Variants in CELSR1 observed in about 807,000 individuals in gnomAD.
CELSR1 encodes the protein cadherin EGF LAG seven-pass G-type receptor 1.
A neutral mutation model predicts 249.1 loss-of-function variants in CELSR1; 110 were observed. The ratio of observed to expected loss-of-function variants is 0.44; its 90% CI spans 0.38 to 0.52. The LOEUF (loss-of-function observed/expected upper bound fraction) is 0.52, where lower values mean the gene tolerates loss of function less well. Among genes scored for constraint, CELSR1 ranks in the 20% least tolerant of loss-of-function variants. The pLI, the probability that CELSR1 is intolerant of heterozygous loss-of-function variation, is 0.00. For synonymous variants in CELSR1, 2,113 were observed against 1,900.0 expected, an observed-to-expected ratio of 1.11 and a Z score of -2.92; for missense variants, 4,109 against 4,296.4, an observed-to-expected ratio of 0.96 and a Z score of 1.22.
In CELSR1 at chr22:46,386,326, A is replaced by C. The variant is rs971268806; in HGVS notation, c.6739+76T>G. On this transcript the variant is annotated intron_variant, in intron 19 of 34. Coordinates refer to ENST00000674500, the MANE Select transcript of CELSR1 (RefSeq NM_001378328.1). ...GGGGGGCCGGGAGCCCACCTGCTTC[A>C]CCCCATGGGGGCCTAGCTCTGGGGC... 1.8e-5 allele frequency: 26 copies of C among 1,405,844 alleles called. No homozygotes were observed. The African/African-American group carries it at 3.2e-4, about 18-fold the overall frequency. The allele number at this position is 1,405,844 out of a possible 1,614,324, so 87.1% of individuals were successfully genotyped here. A position where few individuals can be genotyped will look rare whatever the true frequency, so the allele number is the denominator to read the frequency against.
chr22:46,455,843 C>G (rs1232236822), intron 2 of CELSR1, among the ~76,000 whole-genome samples: 1 of 152,258 alleles, frequency 6.6e-6, no homozygotes, highest in East Asian at 1.9e-4. Context: ...TGACCCACAC[C>G]CTGATCCCCC....
intron 1 of CELSR1, among the ~76,000 whole-genome samples, chr22:46,469,015 G>T (rs1420514120): frequency 1.3e-5 from 2 of 152,170 alleles, no homozygotes; most frequent in Non-Finnish European, 2.9e-5. Flanking sequence ...GGCAGAGGTT[G>T]CAGTGAGCCA....
intron 1 of CELSR1, among the ~76,000 whole-genome samples, chr22:46,489,809 T>C (rs906953324): frequency 6.6e-6 from 1 of 151,292 alleles, no homozygotes; most frequent in Non-Finnish European, 1.5e-5. Context: ...GCATGAGAAT[T>C]GCTTGAACCC....
Position 46,372,925 on chromosome 22 carries a change from ACCG to A in CELSR1, c.7714_7716del (p.Arg2572del), listed in dbSNP as rs2078871249. On this transcript the variant is annotated inframe_deletion, in exon 25 of 35. Transcript: ENST00000674500. ...ATGCCCCAGCCCACGACGTAGTAGA[ACCG>A]CATGGGCCCCGTGTCGATGTTGCGC... 1 of 1,612,686 alleles carries A rather than the reference ACCG, an allele frequency of 6.2e-7. No homozygotes were observed. Among genetic ancestry groups the A allele is most frequent in the African/African-American group, 1.3e-5 (1 of 74,932 alleles).
chr22:46,397,530 C>A, intron 12 of CELSR1, 144 bp downstream of exon 12: 2 of 735,678 alleles, frequency 2.7e-6, no homozygotes, highest in South Asian at 3.4e-5. Context: ...AGGAGGGGCC[C>A]GCTTGTTATA....
In CELSR1 at chr22:46,506,879, G is replaced by T. The variant is rs2080520235; in HGVS notation, c.3544+26748C>A. On this transcript the variant is annotated intron_variant, in intron 1 of 34. Transcript: ENST00000674500. This position sits in a 1 kb window ranked among gnomAD's most constrained non-coding sequence, Gnocchi z 4.1. ...ACCAGGACACAGCCTGCACACACAG[G>T]AAGTCCTTTTTTCCAACACATAAAA... 6.6e-6 allele frequency among the ~76,000 whole-genome samples: 1 copy of T among 152,180 alleles called. No homozygotes were observed. The highest frequency in any genetic ancestry group is 2.1e-4 in the South Asian group (1 of 4,830).
Position 46,533,757 on chromosome 22 carries a change from G to A in CELSR1, c.3414C>T (p.Leu1138=), listed in dbSNP as rs1413678361. Residue 1138 remains leucine, a synonymous_variant, in exon 1 of 35, where the codon CTC becomes CTT. Transcript: ENST00000674500. The stretch of plus-strand genomic sequence containing the variant: ...CGTTGCCCTGCACGAAGGTGTAGTT[G>A]AGGCTGTCTGACACGTCGGGGTCAT... ...PAHDPDVSDS[L]NYTFVQGNEL... The A allele has an allele frequency of 2.5e-6, 4 of 1,613,506 alleles. No individual in the cohort carries two copies. Among genetic ancestry groups the A allele is most frequent in the Non-Finnish European group, 3.4e-6 (4 of 1,180,036 alleles).
intron 27 of CELSR1, 67 bp downstream of exon 27, chr22:46,369,110 CAG>C (rs1390267496): frequency 1.3e-6 from 2 of 1,516,468 alleles, no homozygotes; most frequent in Non-Finnish European, 1.8e-6. Flanking sequence ...CCCCACCCCG[CAG>C]AGACTGGACG....
At chr22:46,388,429 G>T (rs1175721895) in intron 18 of CELSR1, among the ~76,000 whole-genome samples, 1 of 152,280 alleles carries the variant, frequency 6.6e-6, no homozygotes, top group Admixed American at 6.5e-5. Context: ...AACGCCACTG[G>T]CCCAACTCTC....
Position 46,429,043 on chromosome 22 carries a change from G to T in CELSR1, c.4611+4350C>A, listed in dbSNP as rs1281017419. On this transcript the variant is annotated intron_variant, in intron 5 of 34. Transcript: ENST00000674500. This position sits in a 1 kb window ranked among gnomAD's most constrained non-coding sequence, Gnocchi z 4.1. The stretch of plus-strand genomic sequence containing the variant: ...GCCAGGAGCTCCTGGAACAAGGTGG[G>T]GTCTAAACGTGATCCCCGCAGGCAG... 6.6e-6 allele frequency among the ~76,000 whole-genome samples: 1 copy of T among 152,094 alleles called. No individual in the cohort carries two copies. Among genetic ancestry groups the T allele is most frequent in the Non-Finnish European group, 1.5e-5 (1 of 68,006 alleles).
chr22:46,425,332 T>C (rs545427465), intron 5 of CELSR1, among the ~76,000 whole-genome samples: 2 of 152,356 alleles, frequency 1.3e-5, no homozygotes, highest in Non-Finnish European at 2.9e-5. Context: ...AAGTGCTCTC[T>C]ATTTTCTGGA....
At chr22:46,370,288 A>G in intron 25 of CELSR1, 1 of 373,342 alleles carries the variant, frequency 2.7e-6, no homozygotes, top group Middle Eastern at 6.3e-4. Context: ...CCCATACCAC[A>G]TCCAACCACG....
intron 28 of CELSR1, 142 bp downstream of exon 28, chr22:46,367,587 G>A (rs1307778899): frequency 1.7e-6 from 2 of 1,182,580 alleles, no homozygotes; most frequent in Non-Finnish European, 2.4e-6. Flanking sequence ...AAGGGACTGA[G>A]TCCTCACAGC....
intron 25 of CELSR1, 26 bp downstream of exon 25, chr22:46,372,857 T>G: frequency 1.3e-6 from 2 of 1,578,006 alleles, no homozygotes; most frequent in Non-Finnish European, 1.7e-6. Flanking sequence ...TGTGGTTTTA[T>G]GCAGGGCCAC....
chr22:46,493,960 A>G (rs890221108), intron 1 of CELSR1, among the ~76,000 whole-genome samples: 7 of 152,218 alleles, frequency 4.6e-5, no homozygotes, highest in African/African-American at 1.7e-4. Flanking sequence ...TCTCCGAGTA[A>G]GATGAGATTG....
At chr22:46,421,948 A>G (rs552779803) in intron 5 of CELSR1, among the ~76,000 whole-genome samples, 51 of 152,342 alleles carry the variant, frequency 3.3e-4, no homozygotes, top group Non-Finnish European at 5.7e-4. Flanking sequence ...ATGAGACAGA[A>G]TCAAAGCCAA....
chr22:46,475,669 A>G (rs988183742), intron 1 of CELSR1, among the ~76,000 whole-genome samples: 1 of 148,668 alleles, frequency 6.7e-6, no homozygotes, highest in Non-Finnish European at 1.5e-5. Flanking sequence ...TGGGGGGGGA[A>G]GAAACAAGGA....
intron 5 of CELSR1, among the ~76,000 whole-genome samples, chr22:46,416,383 C>G (rs1198790119): frequency 2.0e-5 from 3 of 152,212 alleles, no homozygotes; most frequent in Non-Finnish European, 4.4e-5. Flanking sequence ...GAGGACCCCC[C>G]CCAACCCCTG....
intron 19 of CELSR1, among the ~76,000 whole-genome samples, chr22:46,386,063 A>G (rs898553609): frequency 6.8e-6 from 1 of 147,510 alleles, no homozygotes; most frequent in Non-Finnish European, 1.5e-5. Flanking sequence ...TCTGCCTCCC[A>G]GGTTCAAGTG....
Sources: allele counts gnomAD v4.1 joint callset (sites outside exome capture counted in the v4.1 genomes callset), GRCh38; gene constraint gnomAD v4.1.1; non-coding constraint Gnocchi (gnomAD v3.1); transcripts MANE v1.5; gene names NCBI Gene and HGNC (gene_info 2026-07-23, HGNC 2026-07-21).